Variants in ADK observed in about 807,000 individuals in gnomAD.
ADK encodes N6,N6-dimethyladenosine kinase.
ADK carries 24 observed loss-of-function variants against 44.7 expected under a neutral mutation model. The observed-to-expected ratio is 0.54, with a 90% CI of 0.39 to 0.76. The LOEUF (loss-of-function observed/expected upper bound fraction) is 0.76, where lower values mean the gene tolerates loss of function less well. Ranked by LOEUF, ADK falls within the 30% of genes least tolerant of loss-of-function variation. ADK has a pLI of 0.00. For missense variants in ADK, 321 were observed against 425.1 expected (o/e 0.76, Z 2.15); for synonymous variants, 128 against 142.6 (o/e 0.90, Z 0.73).
chr10:74,569,268 T>A (rs1235907068), intron 7 of ADK, among the ~76,000 whole-genome samples: 1 of 152,236 alleles, frequency 6.6e-6, no homozygotes, highest in Non-Finnish European at 1.5e-5. Flanking sequence ...GCAGCATGAT[T>A]TATAATCCCT....
At chr10:74,299,515 AATAT>A (rs376663637) in intron 3 of ADK, among the ~76,000 whole-genome samples, 1 of 140,532 alleles carries the variant, frequency 7.1e-6, no homozygotes, top group Non-Finnish European at 1.5e-5. Flanking sequence ...AAAAAAAAGA[AATAT>A]ATATATATAT....
intron 7 of ADK, among the ~76,000 whole-genome samples, chr10:74,553,191 T>TTG (rs1850098912): frequency 2.4e-5 from 1 of 41,914 alleles, no homozygotes; most frequent in Non-Finnish European, 3.9e-5. Context: ...GCACATTGTG[T>TTG]TTTTTTTTTT....
At chr10:74,165,916 A>G (rs1412281348) in intron 1 of ADK, among the ~76,000 whole-genome samples, 1 of 152,288 alleles carries the variant, frequency 6.6e-6, no homozygotes, top group African/African-American at 2.4e-5. Flanking sequence ...GGATTAACTC[A>G]TTGAACTGGA....
At chr10:74,537,828 C>G (rs1849505883) in intron 7 of ADK, among the ~76,000 whole-genome samples, 1 of 151,984 alleles carries the variant, frequency 6.6e-6, no homozygotes, top group South Asian at 2.1e-4. Flanking sequence ...AAGATAGTTT[C>G]AATAATAAAA....
rs117571682 is a variant in ADK, at chr10:74,655,364, G to A, written c.878-14819G>A. 1,447 of 410,750 alleles carry A rather than the reference G, an allele frequency of 3.5e-3. 10 individuals carry two copies. Among genetic ancestry groups the A allele is most frequent in the Non-Finnish European group, 5.5e-3 (1,154 of 208,652 alleles). 25.4% of individuals were successfully genotyped at this position (410,750 alleles called of 1,614,324 possible). A position where few individuals can be genotyped will look rare whatever the true frequency, so the allele number is the denominator to read the frequency against. On this transcript the variant is annotated intron_variant, in intron 9 of 10. Coordinates refer to ENST00000539909, the MANE Select transcript of ADK (RefSeq NM_006721.4). Reference sequence around the variant, plus strand: ...GTCAGACATGGGACCTTCTCATATCGTCCACATCAAAAAAGAGAAGAAAGA... The same window carrying A: ...GTCAGACATGGGACCTTCTCATATCATCCACATCAAAAAAGAGAAGAAAGA...
In ADK at chr10:74,637,174, TA is replaced by T. The variant is rs369243380; in HGVS notation, c.878-33008del. ...ACATTAAATACCTAGGAGTTCTTTT[TA>T]TATGTGTGTGAAGAATAGCACTAGA... On this transcript the variant is annotated intron_variant, in intron 9 of 10. Transcript: ENST00000539909. 5.0e-3 allele frequency among the ~76,000 whole-genome samples: 767 copies of T among 152,316 alleles called. 8 individuals are homozygous for T. The highest frequency in any genetic ancestry group is 0.018 in the African/African-American group (729 of 41,566).
At chr10:74,415,204 A>G (rs770237172) in intron 6 of ADK, among the ~76,000 whole-genome samples, 8 of 152,230 alleles carry the variant, frequency 5.3e-5, no homozygotes, top group Non-Finnish European at 7.3e-5. Context: ...TTTAGTTGTT[A>G]AGACAGTAGG....
At chr10:74,165,801 C>G (rs1363837015) in intron 1 of ADK, among the ~76,000 whole-genome samples, 1 of 152,160 alleles carries the variant, frequency 6.6e-6, no homozygotes. Context: ...ATAATCTTGT[C>G]TAGACTTGTG....
intron 6 of ADK, among the ~76,000 whole-genome samples, chr10:74,498,103 A>G (rs945973225): frequency 2.0e-5 from 3 of 152,048 alleles, no homozygotes; most frequent in Non-Finnish European, 4.4e-5. Context: ...GTTAGCCAGG[A>G]TGGTGTTGAT....
In ADK at chr10:74,362,925, C is replaced by A. The variant is rs16931389; in HGVS notation, c.274-31216C>A. ...CAGACACCTGAAGCCAGAAGACTCT[C>A]CTAGTGGTCCTGATAGGTATGCCTC... On this transcript the variant is annotated intron_variant, in intron 4 of 10. Transcript: ENST00000539909. Among the ~76,000 whole-genome samples the A allele has an allele frequency of 4.9e-3, 746 of 152,332 alleles. 5 individuals carry two copies. The highest frequency in any genetic ancestry group is 0.017 in the African/African-American group (702 of 41,580).
chr10:74,277,864 C>T (rs2132433446), intron 3 of ADK, among the ~76,000 whole-genome samples: 1 of 152,170 alleles, frequency 6.6e-6, no homozygotes, highest in African/African-American at 2.4e-5. Context: ...TTTGCCAGTA[C>T]ATGACTACTT....
At chr10:74,202,478 A>G (rs1205537222) in intron 2 of ADK, among the ~76,000 whole-genome samples, 1 of 152,198 alleles carries the variant, frequency 6.6e-6, no homozygotes, top group Non-Finnish European at 1.5e-5. Flanking sequence ...GGGTATACAC[A>G]TAGGAGTGGA....
chr10:74,176,808 T>C, intron 1 of ADK: 1 of 1,600,644 alleles, frequency 6.2e-7, no homozygotes, highest in Non-Finnish European at 8.5e-7. Context: ...TGGTACCTGC[T>C]GCTGCCCGAG....
chr10:74,316,328 C>T (rs1356135505), intron 4 of ADK, among the ~76,000 whole-genome samples: 2 of 152,080 alleles, frequency 1.3e-5, no homozygotes, highest in African/African-American at 4.8e-5. Flanking sequence ...TCAGTCTTTT[C>T]TCCTGCTAGA....
intron 6 of ADK, among the ~76,000 whole-genome samples, chr10:74,483,861 A>T (rs547346435): frequency 6.6e-6 from 1 of 152,322 alleles, no homozygotes; most frequent in Non-Finnish European, 1.5e-5. Context: ...AGACCTCCTC[A>T]GTCTGGACTT....
intron 3 of ADK, among the ~76,000 whole-genome samples, chr10:74,305,270 A>G (rs1202399154): frequency 1.3e-5 from 2 of 152,200 alleles, no homozygotes; most frequent in African/African-American, 2.4e-5. Context: ...GCCCCATGTC[A>G]TATAATTAGA....
At chr10:74,160,614 T>C (rs1841863091) in intron 1 of ADK, among the ~76,000 whole-genome samples, 1 of 152,112 alleles carries the variant, frequency 6.6e-6, no homozygotes, top group South Asian at 2.1e-4. Flanking sequence ...GGGCTGGCCT[T>C]GGATACATTC....
intron 4 of ADK, among the ~76,000 whole-genome samples, chr10:74,356,578 C>G (rs923643265): frequency 1.3e-5 from 2 of 152,106 alleles, no homozygotes; most frequent in Admixed American, 1.3e-4. Flanking sequence ...TAGGATTTTT[C>G]CTTTCTTCAT....
chr10:74,229,144 A>G (rs557761085), intron 3 of ADK, among the ~76,000 whole-genome samples: 1 of 152,284 alleles, frequency 6.6e-6, no homozygotes, highest in African/African-American at 2.4e-5. Flanking sequence ...AAAGTTAATT[A>G]TATTGTGATA....
Sources: gnomAD v4.1 joint callset for allele counts (sites outside exome capture counted in the v4.1 genomes callset) on GRCh38, gnomAD v4.1.1 for gene constraint, MANE v1.5 for transcripts, NCBI Gene and HGNC (gene_info 2026-07-23, HGNC 2026-07-21) for gene names.